The following FOXI2 variants were observed in gnomAD, a reference collection of about 807,000 sequenced individuals.
FOXI2 encodes forkhead box protein I2.
In FOXI2, 17 loss-of-function variants were observed where a neutral mutation model predicts 14.3. That is an observed-to-expected ratio of 1.19 (90% CI 0.81 to 1.78). FOXI2 has a LOEUF of 1.78. Ranked by LOEUF, FOXI2 falls within the 40% of genes most tolerant of loss-of-function variation. The pLI is 0.00. For synonymous variants in FOXI2, 240 were observed against 218.8 expected, an observed-to-expected ratio of 1.10 and a Z score of -0.85; for missense variants, 541 against 460.0, an observed-to-expected ratio of 1.18 and a Z score of -1.61.
Position 127,738,929 on chromosome 10 carries a change from T to C in FOXI2, c.921T>C (p.Ser307=). The C allele has an allele frequency of 6.2e-7, 1 of 1,602,134 alleles. No homozygotes were observed. The highest frequency in any genetic ancestry group is 8.5e-7 in the Non-Finnish European group (1 of 1,179,572). The change falls in exon 2 of 2, where the codon AGT becomes AGC. Residue 307 remains serine, a synonymous_variant. Coordinates refer to ENST00000388920, the MANE Select transcript of FOXI2 (RefSeq NM_207426.3). Reference sequence around the variant, plus strand: ...CCGCGGCCGCCGGCTTCCGCCTCAGTCACCTCCTCTACAGCCGGGAAGGGA... The same window carrying C: ...CCGCGGCCGCCGGCTTCCGCCTCAGCCACCTCCTCTACAGCCGGGAAGGGA... ...HQTAAAGFRL[S]HLLYSREGTE...
In FOXI2 at chr10:127,737,300, C is replaced by G; in HGVS notation, c.27C>G (p.Gly9=). The G allele has an allele frequency of 2.0e-6, 3 of 1,467,924 alleles. No individual in the cohort carries two copies. Among genetic ancestry groups the G allele is most frequent in the African/African-American group, 1.5e-5 (1 of 67,472 alleles). 90.9% of individuals were successfully genotyped at this position (1,467,924 alleles called of 1,614,324 possible). The change falls in exon 1 of 2, where the codon GGC becomes GGG. Residue 9 remains glycine, a synonymous_variant. Coordinates refer to ENST00000388920, the MANE Select transcript of FOXI2 (RefSeq NM_207426.3). The part of the protein sequence containing the change: MATYCDDL[G]PSSAPPGQAQ... ...TGGCCACCTACTGCGACGACCTGGGCCCCTCCTCGGCCCCGCCCGGCCAGG... is the reference window on the plus strand; with the variant it reads ...TGGCCACCTACTGCGACGACCTGGGGCCCTCCTCGGCCCCGCCCGGCCAGG...
Position 127,739,903 on chromosome 10 carries a change from A to ACCCACAC in FOXI2, c.*939_*940insCCACACC, listed in dbSNP as rs1388383728. ...CACCCACACCCACACCCACACTCAC[A>ACCCACAC]CACACTCACACCCACACCCACACTC... On this transcript the variant is annotated 3_prime_UTR_variant, in exon 2 of 2. Coordinates refer to ENST00000388920, the MANE Select transcript of FOXI2 (RefSeq NM_207426.3). 9.8e-5 allele frequency: 2 copies of ACCCACAC among 20,440 alleles called. No individual in the cohort carries two copies. The highest frequency in any genetic ancestry group is 1.1e-4 in the African/African-American group (1 of 8,724). 1.3% of individuals were successfully genotyped at this position (20,440 alleles called of 1,614,324 possible).
Position 127,737,660 on chromosome 10 carries a change from C to T in FOXI2, c.387C>T (p.Tyr129=), listed in dbSNP as rs564685357. 1.3e-4 allele frequency: 201 copies of T among 1,590,490 alleles called. 1 individual carries two copies. The South Asian group carries it at 2.2e-3, about 17-fold the overall frequency. The change falls in exon 1 of 2, where the codon TAC becomes TAT. Residue 129 remains tyrosine (Y), a synonymous_variant. Coordinates refer to ENST00000388920, the MANE Select transcript of FOXI2 (RefSeq NM_207426.3). ...PLRKLTLSQI[Y]QYVAGNFPFY... ...GGAAGCTGACGCTCAGCCAGATCTA[C>T]CAGTACGTGGCTGGTAACTTCCCTT...
rs1554874294 is a variant in FOXI2, at chr10:127,739,090, C to CGGGGGCGGCTCGGCCAGCA, written c.*129_*147dup. 2 of 875,880 alleles carry CGGGGGCGGCTCGGCCAGCA rather than the reference C, an allele frequency of 2.3e-6. No homozygotes were observed. The highest frequency in any genetic ancestry group is 5.4e-5 in the East Asian group (2 of 36,872). 54.3% of individuals were successfully genotyped at this position (875,880 alleles called of 1,614,324 possible). On this transcript the variant is annotated 3_prime_UTR_variant, in exon 2 of 2. Transcript: ENST00000388920. ...GGTGCCCTGGGAGGAAGCGCAGAGC[C>CGGGGGCGGCTCGGCCAGCA]GGGGGCGGCTCGGCCAGCAGGGAGC... is the stretch of plus-strand genomic sequence containing the variant.
In FOXI2 at chr10:127,738,767, C is replaced by G. The variant is rs1262081867; in HGVS notation, c.759C>G (p.Ser253Arg). Residue 253 changes from serine to arginine, a missense_variant, in exon 2 of 2, where the codon AGC becomes AGG. Physicochemically the swap from Ser to Arg is moderately radical, Grantham distance 110. Transcript: ENST00000388920. ...TCFSGFASAM[S>R]ALAGGLGTFP... is the part of the protein sequence containing the mutation. ...TCTCCGGTTTCGCTTCTGCTATGAGCGCTCTGGCTGGCGGCCTTGGCACCT... is the reference window on the plus strand; with the variant it reads ...TCTCCGGTTTCGCTTCTGCTATGAGGGCTCTGGCTGGCGGCCTTGGCACCT... The G allele has an allele frequency of 1.9e-6, 3 of 1,605,424 alleles. No individual in the cohort carries two copies. Among genetic ancestry groups the G allele is most frequent in the South Asian group, 2.2e-5 (2 of 89,644 alleles).
In FOXI2 at chr10:127,737,692, A is replaced by G. The variant is rs758011526; in HGVS notation, c.419A>G (p.Lys140Arg). The G allele has an allele frequency of 1.9e-6, 3 of 1,605,136 alleles. No homozygotes were observed. The highest frequency in any genetic ancestry group is 8.5e-7 in the Non-Finnish European group (1 of 1,175,808). ...QYVAGNFPFY[K>R]RSKAGWQNSI... ...GTGGCTGGTAACTTCCCTTTCTACAAGCGCAGCAAGGCGGGCTGGCAGAAC... is the reference window on the plus strand; with the variant it reads ...GTGGCTGGTAACTTCCCTTTCTACAGGCGCAGCAAGGCGGGCTGGCAGAAC... The change falls in exon 1 of 2, where the codon AAG becomes AGG. Residue 140 changes from lysine (K) to arginine (R), a missense_variant. Transcript: ENST00000388920.
Position 127,739,153 on chromosome 10 carries a change from C to T in FOXI2, c.*188C>T. ...CTCTTGGGCTTTGGGGTGGGTGGCC[C>T]TTCTGCTGTGCACCCCTCACCCAGG... On this transcript the variant is annotated 3_prime_UTR_variant, in exon 2 of 2. Transcript: ENST00000388920. The T allele has an allele frequency of 5.1e-6, 3 of 586,002 alleles. No homozygotes were observed. The highest frequency in any genetic ancestry group is 2.1e-5 in the South Asian group (1 of 47,536). 36.3% of individuals were successfully genotyped at this position (586,002 alleles called of 1,614,324 possible).
rs1846458286 is a variant in FOXI2 at position 127,739,102 on chromosome 10, G to A, written c.*137G>A. ...GGAAGCGCAGAGCCGGGGGCGGCTC[G>A]GCCAGCAGGGAGCTGGGCTGAGCGG... On this transcript the variant is annotated 3_prime_UTR_variant, in exon 2 of 2. Coordinates refer to ENST00000388920, the MANE Select transcript of FOXI2 (RefSeq NM_207426.3). 2.6e-6 allele frequency: 2 copies of A among 756,362 alleles called. No individual in the cohort carries two copies. The highest frequency in any genetic ancestry group is 2.1e-6 in the Non-Finnish European group (1 of 481,502). The allele number at this position is 756,362 out of a possible 1,614,324, so 46.9% of individuals were successfully genotyped here. A position where few individuals can be genotyped will look rare whatever the true frequency, so the allele number is the denominator to read the frequency against.
rs1564748260 is a variant in FOXI2, at chr10:127,737,800, C to A, written c.511+16C>A. ...GACGACCCAGGTAACAGCGGCGCGC[C>A]GGCTCGCTCCGTCCAGGACTCCCCA... On this transcript the variant is annotated intron_variant, in intron 1 of 1. Coordinates refer to ENST00000388920, the MANE Select transcript of FOXI2 (RefSeq NM_207426.3). 1.9e-6 allele frequency: 3 copies of A among 1,599,232 alleles called. No homozygotes were observed. Among genetic ancestry groups the A allele is most frequent in the East Asian group, 4.6e-5 (2 of 43,818 alleles).
rs1464796645 is a variant in FOXI2 at position 127,740,714 on chromosome 10, T to G, written c.*1749T>G. ...TGCCTGCAGGGCCCCTCACTGCAGC[T>G]GCCACCAGTGCTGGAAATGAGAGCA... On this transcript the variant is annotated 3_prime_UTR_variant, in exon 2 of 2. Coordinates refer to ENST00000388920, the MANE Select transcript of FOXI2 (RefSeq NM_207426.3). 1 of 152,462 alleles carries G rather than the reference T, an allele frequency of 6.6e-6. No homozygotes were observed. The highest frequency in any genetic ancestry group is 2.4e-5 in the African/African-American group (1 of 41,430). 9.4% of individuals were successfully genotyped at this position (152,462 alleles called of 1,614,324 possible). A position where few individuals can be genotyped will look rare whatever the true frequency, so the allele number is the denominator to read the frequency against.
rs1310588967 is a variant in FOXI2 at position 127,739,298 on chromosome 10, C to G, written c.*333C>G. On this transcript the variant is annotated 3_prime_UTR_variant, in exon 2 of 2. Coordinates refer to ENST00000388920, the MANE Select transcript of FOXI2 (RefSeq NM_207426.3). ...GGTCGGCCCTCAGCTCCAGCGTTTT[C>G]CAAGGAGGCTGGCTGACTCCAAAGA... The G allele has an allele frequency of 7.3e-6, 2 of 273,148 alleles. No homozygotes were observed. The highest frequency in any genetic ancestry group is 4.9e-5 in the Admixed American group (1 of 20,208). The allele number at this position is 273,148 out of a possible 1,614,324, so 16.9% of individuals were successfully genotyped here.
chr10:127,739,116 T>A lies in FOXI2; in HGVS notation c.*151T>A. On this transcript the variant is annotated 3_prime_UTR_variant, in exon 2 of 2. Transcript: ENST00000388920. ...GGGGGCGGCTCGGCCAGCAGGGAGCTGGGCTGAGCGGCTCTTGGGCTTTGG... is the reference window on the plus strand; with the variant it reads ...GGGGGCGGCTCGGCCAGCAGGGAGCAGGGCTGAGCGGCTCTTGGGCTTTGG... The A allele has an allele frequency of 1.5e-6, 1 of 682,496 alleles. No homozygotes were observed. Among genetic ancestry groups the A allele is most frequent in the South Asian group, 1.9e-5 (1 of 51,830 alleles). 42.3% of individuals were successfully genotyped at this position (682,496 alleles called of 1,614,324 possible). A position where few individuals can be genotyped will look rare whatever the true frequency, so the allele number is the denominator to read the frequency against.
rs1238015925 is a variant in FOXI2 at position 127,737,381 on chromosome 10, CG to C, written c.113del (p.Gly38AlafsTer6). 2.1e-6 allele frequency: 3 copies of C among 1,396,220 alleles called. No individual in the cohort carries two copies. Among genetic ancestry groups the C allele is most frequent in the South Asian group, 1.6e-5 (1 of 62,678 alleles). 86.5% of individuals were successfully genotyped at this position (1,396,220 alleles called of 1,614,324 possible). Reference sequence around the variant, plus strand: ...AGCCAGGGGATCTGGGCGCGGTGGGCGGGGGCCCCCTCCTGTGGGTGAACGC... The same window carrying C: ...AGCCAGGGGATCTGGGCGCGGTGGGCGGGGCCCCCTCCTGTGGGTGAACGC... ...YEPGDLGAVGGGPLLWVNAPA... is the reference protein window; with the variant it reads ...YEPGDLGAVGXGPLLWVNAPA... On this transcript the variant is annotated frameshift_variant, in exon 1 of 2. Transcript: ENST00000388920. LOFTEE classifies it high-confidence loss of function.
rs528580720 is a variant in FOXI2 at position 127,739,934 on chromosome 10, C to T, written c.*969C>T. On this transcript the variant is annotated 3_prime_UTR_variant, in exon 2 of 2. Transcript: ENST00000388920. Reference sequence around the variant, plus strand: ...TCACACCCACACCCACACTCACACCCACACACACTCACACCCACACACACC... The same window carrying T: ...TCACACCCACACCCACACTCACACCTACACACACTCACACCCACACACACC... 49 of 74,778 alleles carry T rather than the reference C, an allele frequency of 6.6e-4. 1 individual carries two copies. Among genetic ancestry groups the T allele is most frequent in the African/African-American group, 2.7e-3 (47 of 17,446 alleles). The allele number at this position is 74,778 out of a possible 1,614,324, so 4.6% of individuals were successfully genotyped here. A position where few individuals can be genotyped will look rare whatever the true frequency, so the allele number is the denominator to read the frequency against.
rs765223185 is a variant in FOXI2 at position 127,738,663 on chromosome 10, G to A, written c.655G>A (p.Ala219Thr). The change falls in exon 2 of 2, where the codon GCG (alanine) becomes ACG (threonine). Residue 219 changes from alanine (A) to threonine (T), a missense_variant. Coordinates refer to ENST00000388920, the MANE Select transcript of FOXI2 (RefSeq NM_207426.3). ...ARSVGGAEAP[A>T]LEPPSAACLD... ...GAGCGTGGGAGGGGCCGAGGCGCCAGCGCTGGAGCCCCCGAGCGCGGCTTG... is the reference window on the plus strand; with the variant it reads ...GAGCGTGGGAGGGGCCGAGGCGCCAACGCTGGAGCCCCCGAGCGCGGCTTG... 7 of 1,596,566 alleles carry A rather than the reference G, an allele frequency of 4.4e-6. No homozygotes were observed. In the Admixed American group the frequency reaches 5.2e-5, roughly 12 times the overall value.
rs1846471994 is a variant in FOXI2 at position 127,739,785 on chromosome 10, T to TCACACCCACACTCACACTCACACC, written c.*837_*838insTCACACCCACACCCACACTCACAC. ...AGGTTTGTGCCACCCACACCCACAC[T>TCACACCCACACTCACACTCACACC]CACACCCACACTCACACCCACACTC... On this transcript the variant is annotated 3_prime_UTR_variant, in exon 2 of 2. Transcript: ENST00000388920. 7.9e-6 allele frequency: 1 copy of TCACACCCACACTCACACTCACACC among 127,264 alleles called. No homozygotes were observed. Among genetic ancestry groups the TCACACCCACACTCACACTCACACC allele is most frequent in the African/African-American group, 3.1e-5 (1 of 32,206 alleles). 7.9% of individuals were successfully genotyped at this position (127,264 alleles called of 1,614,324 possible).
In FOXI2 at chr10:127,739,009, G is replaced by GCAC; in HGVS notation, c.*45_*46insACC. 1.3e-6 allele frequency: 2 copies of GCAC among 1,519,626 alleles called. No individual in the cohort carries two copies. Among genetic ancestry groups the GCAC allele is most frequent in the Non-Finnish European group, 1.8e-6 (2 of 1,124,630 alleles). 94.1% of individuals were successfully genotyped at this position (1,519,626 alleles called of 1,614,324 possible). ...CCGGGTGCGGGTCCAGAGGTGCTGAGCTCAGGCCTCCGGTTTCCCCTGGTG... is the reference window on the plus strand; with the variant it reads ...CCGGGTGCGGGTCCAGAGGTGCTGAGCACCTCAGGCCTCCGGTTTCCCCTGGTG... On this transcript the variant is annotated 3_prime_UTR_variant, in exon 2 of 2. Transcript: ENST00000388920.
intron 1 of FOXI2, 113 bp from the exon 2 acceptor site, chr10:127,738,407 G>A: frequency 2.5e-6 from 2 of 794,622 alleles, no homozygotes; most frequent in South Asian, 3.6e-5. Flanking sequence ...CGAGGACTCA[G>A]ACCCTCTGTA....
chr10:127,738,688 G>T lies in FOXI2; in HGVS notation c.680G>T (p.Cys227Phe). The change falls in exon 2 of 2, where the codon TGC becomes TTC. Residue 227 changes from cysteine to phenylalanine, a missense_variant. Transcript: ENST00000388920. ...GCGCTGGAGCCCCCGAGCGCGGCTT[G>T]CCTGGACCTGCAGGCCTCGCCCTCT... ...APALEPPSAA[C>F]LDLQASPSPS... 2 of 1,595,922 alleles carry T rather than the reference G, an allele frequency of 1.3e-6. No individual in the cohort carries two copies. Among genetic ancestry groups the T allele is most frequent in the South Asian group, 1.1e-5 (1 of 88,536 alleles).
Sources: gnomAD v4.1 joint callset for allele counts on GRCh38, gnomAD v4.1.1 for gene constraint, MANE v1.5 for transcripts, NCBI Gene and HGNC (gene_info 2026-07-23, HGNC 2026-07-21) for gene names.